GNAS: variants seen among roughly 807,000 people sequenced by gnomAD.
The protein encoded by GNAS is protein ALEX.
In GNAS, 8 loss-of-function variants were observed where a neutral mutation model predicts 54.5. That is an observed-to-expected ratio of 0.15 (90% CI 0.09 to 0.26). The LOEUF is 0.26. Among genes scored for constraint, GNAS ranks in the 10% least tolerant of loss-of-function variants. The probability of loss-of-function intolerance (pLI) is 1.00; values close to 1 mark genes in which losing one functional copy is unlikely to be tolerated. For missense variants in GNAS, 170 were observed against 529.8 expected (o/e 0.32, Z 6.67); for synonymous variants, 204 against 191.4 (o/e 1.07, Z -0.54).
chr20:58,840,848 A>T lies in GNAS; in HGVS notation c.5A>T (p.Glu2Val), dbSNP rs1208964733. ...CATCCCCATCCGGCGTCACTAATGG[A>T]GGACGCCGTCCAGATTCTCCTTGTT... Residue 2 changes from glutamate (E) to valine (V), a missense_variant, in exon 1 of 13, where the codon GAG (glutamate) becomes GTG (valine). By Grantham distance (121) the Glu-to-Val change is moderately radical. Transcript: ENST00000306090. This position sits in a 1 kb window ranked among gnomAD's most constrained non-coding sequence, Gnocchi z 6.0. 9.9e-6 allele frequency: 16 copies of T among 1,612,222 alleles called. No individual in the cohort carries two copies. The highest frequency in any genetic ancestry group is 1.3e-5 in the Non-Finnish European group (15 of 1,179,500).
At position 58,841,271 on chromosome 20, in the gene GNAS, C is replaced by T. The variant is rs1380780097; in HGVS notation, c.43+385C>T. ...TTCTTCCTCCTAGAAAGACTAGTCT[C>T]AAATAAGTTGGCCTTCTCAGGTGTC... On this transcript the variant is annotated intron_variant, in intron 1 of 12. Transcript: ENST00000306090. The surrounding 1 kb of genome is among the most constrained non-coding windows in gnomAD (Gnocchi z 5.0). 12 of 1,037,420 alleles carry T rather than the reference C, an allele frequency of 1.2e-5. No individual in the cohort carries two copies. Among genetic ancestry groups the T allele is most frequent in the Non-Finnish European group, 1.4e-5 (12 of 844,214 alleles). The allele number at this position is 1,037,420 out of a possible 1,614,324, so 64.3% of individuals were successfully genotyped here.
At chr20:58,901,512 CT>C (rs2090596861) in intron 3 of GNAS, among the ~76,000 whole-genome samples, 1 of 152,100 alleles carries the variant, frequency 6.6e-6, no homozygotes, top group Admixed American at 6.5e-5. Context: ...ACCTGCAGCA[CT>C]TTTACTTAAA....
intron 2 of GNAS, 171 bp from the exon 3 acceptor site, chr20:58,898,770 C>G: frequency 2.8e-6 from 2 of 719,424 alleles, no homozygotes; most frequent in South Asian, 3.0e-5. Flanking sequence ...GTGGATGTTC[C>G]AATTTAGCCA....
intron 1 of GNAS, among the ~76,000 whole-genome samples, chr20:58,870,818 C>T (rs1173739260): frequency 6.6e-6 from 1 of 152,198 alleles, no homozygotes; most frequent in Non-Finnish European, 1.5e-5. Flanking sequence ...TCCCACATGA[C>T]ATGGAACCCA....
intron 1 of GNAS, chr20:58,854,410 C>A (rs775710213): frequency 3.2e-6 from 5 of 1,566,774 alleles, no homozygotes; most frequent in Non-Finnish European, 4.3e-6. Flanking sequence ...GGATCCCCTG[C>A]CGCCGGGGCA....
At chr20:58,889,507 C>T (rs1312358502), upstream of GNAS, 2 of 235,544 alleles carry the variant, frequency 8.5e-6, no homozygotes, top group African/African-American at 4.7e-5. Context: ...CTTTTCTCTT[C>T]TCCATTGGCG....
intron 1 of GNAS, among the ~76,000 whole-genome samples, chr20:58,884,117 TCA>T (rs1491449648): frequency 6.6e-6 from 1 of 152,242 alleles, no homozygotes. Context: ...AGTCTAAATC[TCA>T]GTTTTCCCAA....
intron 1 of GNAS, among the ~76,000 whole-genome samples, chr20:58,851,528 A>C (rs1037215538): frequency 2.6e-5 from 4 of 151,926 alleles, no homozygotes; most frequent in Admixed American, 2.6e-4. Flanking sequence ...CCTGATGCGC[A>C]CCTGCCGAGT....
intron 6 of GNAS, among the ~76,000 whole-genome samples, chr20:58,906,093 A>T (rs3787493): frequency 6.6e-6 from 1 of 152,168 alleles, no homozygotes; most frequent in East Asian, 1.9e-4. Context: ...TAAGTGGTCA[A>T]TGGATTTTAA....
At chr20:58,892,902 C>T (rs1395474648) in intron 1 of GNAS, among the ~76,000 whole-genome samples, 1 of 137,046 alleles carries the variant, frequency 7.3e-6, no homozygotes, top group Non-Finnish European at 1.6e-5. Context: ...AGCGCCCCCC[C>T]AACACTATTT....
rs1191718718 is a variant in GNAS, at chr20:58,873,029, T to C, written c.44-22583T>C. Among the ~76,000 whole-genome samples the C allele has an allele frequency of 6.6e-6, 1 of 152,220 alleles. No individual in the cohort carries two copies. The highest frequency in any genetic ancestry group is 1.9e-4 in the East Asian group (1 of 5,198). ...TCAGTTCATTCTCAAGGCGTTAGCC[T>C]CATCCCATCAGGAGGAGTTCAGACT... On this transcript the variant is annotated intron_variant, in intron 1 of 12. Coordinates refer to the GNAS transcript ENST00000306090. This position sits in a 1 kb window ranked among gnomAD's most constrained non-coding sequence, Gnocchi z 4.3.
At position 58,905,439 on chromosome 20, in the gene GNAS, C is replaced by T. The variant is rs372290095; in HGVS notation, c.489C>T (p.Tyr163=). The T allele has an allele frequency of 1.4e-5, 22 of 1,609,286 alleles. 1 individual carries two copies. Among genetic ancestry groups the T allele is most frequent in the South Asian group, 3.3e-5 (3 of 90,990 alleles). Residue 163 remains tyrosine (Y), a synonymous_variant, in exon 6 of 13, where the codon TAC becomes TAT. Coordinates refer to ENST00000371085, the MANE Select transcript of GNAS (RefSeq NM_000516.7). ...AGGATGAAGGAGTGCGTGCCTGCTACGAACGCTCCAACGAGTACCAGCTGA... is the reference window on the plus strand; with the variant it reads ...AGGATGAAGGAGTGCGTGCCTGCTATGAACGCTCCAACGAGTACCAGCTGA... ...LWEDEGVRAC[Y]ERSNEYQLID...
intron 3 of GNAS, among the ~76,000 whole-genome samples, chr20:58,902,292 G>A (rs915820983): frequency 6.6e-6 from 1 of 152,152 alleles, no homozygotes; most frequent in Non-Finnish European, 1.5e-5. Context: ...CCACACAAGA[G>A]GCCTTTTCTT....
chr20:58,869,909 G>A (rs2087324514), intron 1 of GNAS, among the ~76,000 whole-genome samples: 1 of 152,152 alleles, frequency 6.6e-6, no homozygotes, highest in African/African-American at 2.4e-5. Context: ...GGGGAAGCTG[G>A]GTCCGATGGT....
upstream of GNAS, among the ~76,000 whole-genome samples, chr20:58,887,068 C>A (rs2088639952): frequency 6.6e-6 from 1 of 152,182 alleles, no homozygotes; most frequent in Admixed American, 6.5e-5. Flanking sequence ...AGTTTCACTC[C>A]TTTTAAAGTT....
chr20:58,891,010 G>A (rs941089997), upstream of GNAS, among the ~76,000 whole-genome samples: 1 of 150,628 alleles, frequency 6.6e-6, no homozygotes, highest in Non-Finnish European at 1.5e-5. Flanking sequence ...AGGAGGCCTC[G>A]GGGGCGCCGG....
chr20:58,891,552 T>A lies in GNAS; in HGVS notation c.-175T>A, dbSNP rs1054628368. On this transcript the variant is annotated 5_prime_UTR_variant, in exon 1 of 13. Coordinates refer to ENST00000371085, the MANE Select transcript of GNAS (RefSeq NM_000516.7). ...ACCGACACCCTCCCCTTCCCGCCCG[T>A]CCGCGCGCCCCGCGGCCCGCGGCCC... 1.0e-6 allele frequency: 1 copy of A among 969,314 alleles called. No homozygotes were observed. The highest frequency in any genetic ancestry group is 1.8e-5 in the African/African-American group (1 of 54,936). The allele number at this position is 969,314 out of a possible 1,614,324, so 60.0% of individuals were successfully genotyped here.
chr20:58,890,532 C>T (rs1178342503), upstream of GNAS: 2 of 152,228 alleles, frequency 1.3e-5, no homozygotes, highest in African/African-American at 2.4e-5. Context: ...GCTCAACTTC[C>T]TGCTGCAGAA....
At chr20:58,906,093 A>G (rs3787493) in intron 6 of GNAS, among the ~76,000 whole-genome samples, 91,965 of 152,104 alleles carry the variant, frequency 0.6, 30,303 homozygotes, top group African/African-American at 0.88. Flanking sequence ...TAAGTGGTCA[A>G]TGGATTTTAA....
Sources: allele counts gnomAD v4.1 joint callset (sites outside exome capture counted in the v4.1 genomes callset), GRCh38; gene constraint gnomAD v4.1.1; non-coding constraint Gnocchi (gnomAD v3.1); transcripts MANE v1.5; gene names NCBI Gene and HGNC (gene_info 2026-07-23, HGNC 2026-07-21).